The following PLCL2 variants were observed in gnomAD, a reference collection of about 807,000 sequenced individuals.
The protein encoded by PLCL2 is inactive phospholipase C-like protein 2.
A neutral mutation model predicts 79.6 loss-of-function variants in PLCL2; 4 were observed. The ratio of observed to expected loss-of-function variants is 0.05; its 90% CI spans 0.02 to 0.11. The LOEUF is 0.11. PLCL2 is among the 10% of genes least tolerant of loss of function. The probability of loss-of-function intolerance (pLI) is 1.00; values close to 1 mark genes in which losing one functional copy is unlikely to be tolerated. For missense variants in PLCL2, 895 were observed against 1,291.0 expected (o/e 0.69, Z 4.70); for synonymous variants, 484 against 457.7 (o/e 1.06, Z -0.73).
rs371092777 is a variant in PLCL2, at chr3:16,908,877, C to T, written c.327+23511C>T. Among the ~76,000 whole-genome samples the T allele has an allele frequency of 5.3e-5, 8 of 152,152 alleles. No homozygotes were observed. The East Asian group carries it at 7.7e-4, about 15-fold the overall frequency. The stretch of plus-strand genomic sequence containing the variant: ...CTATTGGAAATATATAATGTATCAA[C>T]ATACATTTATTTTCTGAAGATGTGT... On this transcript the variant is annotated intron_variant, in intron 1 of 5. Coordinates refer to ENST00000615277, the MANE Select transcript of PLCL2 (RefSeq NM_001144382.2).
intron 3 of PLCL2, among the ~76,000 whole-genome samples, chr3:17,039,445 G>C (rs1449208497): frequency 6.6e-6 from 1 of 152,210 alleles, no homozygotes; most frequent in Non-Finnish European, 1.5e-5. Context: ...GACTCAAGGA[G>C]AATTTATGCA....
At position 17,014,815 on chromosome 3, in the gene PLCL2, C is replaced by G. The variant is rs2124893356; in HGVS notation, c.2922C>G (p.Pro974=). The G allele has an allele frequency of 6.2e-7, 1 of 1,614,068 alleles. No individual in the cohort carries two copies. The highest frequency in any genetic ancestry group is 2.2e-5 in the East Asian group (1 of 44,882). ...GCTTTCTGGGGCCCGATAACACACCCCTAGTGGTCCTAAATCTCAGCGAGC... is the reference window on the plus strand; with the variant it reads ...GCTTTCTGGGGCCCGATAACACACCGCTAGTGGTCCTAAATCTCAGCGAGC... The part of the protein sequence containing the change: ...SPRFLGPDNT[P]LVVLNLSEQY... Residue 974 remains proline (P), a synonymous_variant, in exon 3 of 6, where the codon CCC becomes CCG. Transcript: ENST00000615277.
At position 16,916,462 on chromosome 3, in the gene PLCL2, C is replaced by T. The variant is rs1163843552; in HGVS notation, c.327+31096C>T. ...AATGGTCAGGTGGGAAGTAGCTTCT[C>T]CTTAAATTATTTCTGATGGAAAAAA... On this transcript the variant is annotated intron_variant, in intron 1 of 5. Coordinates refer to ENST00000615277, the MANE Select transcript of PLCL2 (RefSeq NM_001144382.2). Among the ~76,000 whole-genome samples the T allele has an allele frequency of 3.9e-5, 6 of 152,238 alleles. No individual in the cohort carries two copies. The East Asian group carries it at 1.2e-3, about 29-fold the overall frequency.
Position 16,884,996 on chromosome 3 carries a change from G to GGACGCGAGGACGCGGC in PLCL2, c.-43_-28dup, listed in dbSNP as rs1696171460. The GGACGCGAGGACGCGGC allele has an allele frequency of 4.4e-6, 1 of 226,878 alleles. No individual in the cohort carries two copies. The highest frequency in any genetic ancestry group is 8.5e-6 in the Non-Finnish European group (1 of 118,264). 14.1% of individuals were successfully genotyped at this position (226,878 alleles called of 1,614,324 possible). On this transcript the variant is annotated 5_prime_UTR_variant, in exon 1 of 6. Coordinates refer to ENST00000615277, the MANE Select transcript of PLCL2 (RefSeq NM_001144382.2). This position sits in a 1 kb window ranked among gnomAD's most constrained non-coding sequence, Gnocchi z 9.3. ...GCCCGAGGCGGCGGCGGGGACGCGGGGACGCGAGGACGCGGCTTTGTGCAG... is the reference window on the plus strand; with the variant it reads ...GCCCGAGGCGGCGGCGGGGACGCGGGGACGCGAGGACGCGGCGACGCGAGGACGCGGCTTTGTGCAG...
intron 1 of PLCL2, among the ~76,000 whole-genome samples, chr3:16,920,601 A>G (rs1053766410): frequency 6.6e-5 from 10 of 152,194 alleles, no homozygotes; most frequent in Non-Finnish European, 1.2e-4. Context: ...ACACACTAGC[A>G]TGGCTATTGA....
intron 3 of PLCL2, among the ~76,000 whole-genome samples, chr3:17,037,892 C>T (rs371256083): frequency 1.1e-4 from 17 of 151,826 alleles, no homozygotes; most frequent in Non-Finnish European, 2.4e-4. Flanking sequence ...TATGAAGGAG[C>T]AGTCTATAGA....
intron 5 of PLCL2, among the ~76,000 whole-genome samples, chr3:17,082,974 T>C (rs1376019702): frequency 6.6e-6 from 1 of 152,192 alleles, no homozygotes; most frequent in African/African-American, 2.4e-5. Context: ...ATTACAATAC[T>C]TTAATTGCAT....
intron 1 of PLCL2, among the ~76,000 whole-genome samples, chr3:16,949,983 T>A (rs1183137961): frequency 6.6e-6 from 1 of 152,230 alleles, no homozygotes; most frequent in Non-Finnish European, 1.5e-5. Flanking sequence ...CTCTGGAATA[T>A]GCATTTTGTT....
Position 17,009,066 on chromosome 3 carries a change from C to A in PLCL2, c.328-608C>A, listed in dbSNP as rs577384792. Among the ~76,000 whole-genome samples the A allele has an allele frequency of 3.3e-5, 5 of 151,986 alleles. No individual in the cohort carries two copies. The highest frequency in any genetic ancestry group is 7.4e-5 in the Non-Finnish European group (5 of 67,988). ...GTGACACAATCTCAGCTCACTGCAA[C>A]CTTTGCCTCACGGATTCAAACGATT... On this transcript the variant is annotated intron_variant, in intron 1 of 5. Coordinates refer to ENST00000615277, the MANE Select transcript of PLCL2 (RefSeq NM_001144382.2). This position sits in a 1 kb window ranked among gnomAD's most constrained non-coding sequence, Gnocchi z 4.0.
chr3:16,911,788 G>T (rs1696887261), intron 1 of PLCL2, among the ~76,000 whole-genome samples: 1 of 152,172 alleles, frequency 6.6e-6, no homozygotes, highest in African/African-American at 2.4e-5. Flanking sequence ...CTGAGCATCT[G>T]TAATTCAAAT....
rs115008245 is a variant in PLCL2, at chr3:17,012,306, G to C, written c.2814+146G>C. On this transcript the variant is annotated intron_variant, in intron 2 of 5. Coordinates refer to ENST00000615277, the MANE Select transcript of PLCL2 (RefSeq NM_001144382.2). The stretch of plus-strand genomic sequence containing the variant: ...TTCTTAGAATGTTTGCCACTAGTCT[G>C]TTTTTTATCATTTAACTTCCTAAAG... The C allele has an allele frequency of 8.8e-3, 6,086 of 688,372 alleles. 308 individuals are homozygous for C. In the African/African-American group the frequency reaches 0.1, roughly 11 times the overall value. The allele number at this position is 688,372 out of a possible 1,614,324, so 42.6% of individuals were successfully genotyped here.
At chr3:16,951,035 C>T (rs1227000132) in intron 1 of PLCL2, among the ~76,000 whole-genome samples, 1 of 152,104 alleles carries the variant, frequency 6.6e-6, no homozygotes, top group East Asian at 1.9e-4. Flanking sequence ...GCCTCTCTTC[C>T]ACCCCAAATA....
At chr3:16,983,794 T>C (rs1340473042) in intron 1 of PLCL2, among the ~76,000 whole-genome samples, 1 of 152,224 alleles carries the variant, frequency 6.6e-6, no homozygotes, top group Non-Finnish European at 1.5e-5. Context: ...CCCTTTCTAC[T>C]TTATCTAGAA....
chr3:17,078,561 G>C (rs2065130899), intron 5 of PLCL2, among the ~76,000 whole-genome samples: 1 of 152,020 alleles, frequency 6.6e-6, no homozygotes, highest in Non-Finnish European at 1.5e-5. Flanking sequence ...CTCCTGACCT[G>C]TGCCCCTCTA....
At chr3:17,055,171 C>T (rs1365619258) in intron 4 of PLCL2, among the ~76,000 whole-genome samples, 1 of 152,196 alleles carries the variant, frequency 6.6e-6, no homozygotes, top group East Asian at 1.9e-4. Flanking sequence ...AGATGAGACA[C>T]AGGAAACCTG....
intron 4 of PLCL2, among the ~76,000 whole-genome samples, chr3:17,046,572 C>G (rs966278763): frequency 6.6e-6 from 1 of 152,158 alleles, no homozygotes; most frequent in East Asian, 1.9e-4. Context: ...CAATGACATC[C>G]TGTTAAAGAT....
intron 1 of PLCL2, among the ~76,000 whole-genome samples, chr3:16,901,956 C>T (rs1696629321): frequency 6.6e-6 from 1 of 152,220 alleles, no homozygotes; most frequent in African/African-American, 2.4e-5. Flanking sequence ...TTCCATGCCT[C>T]ATTCTGGACA....
intron 4 of PLCL2, among the ~76,000 whole-genome samples, chr3:17,060,524 C>T (rs2064939993): frequency 6.6e-6 from 1 of 152,208 alleles, no homozygotes; most frequent in Non-Finnish European, 1.5e-5. Flanking sequence ...AGGATGTAAA[C>T]ACCCACAGGT....
At chr3:16,985,506 C>T (rs1400276311) in intron 1 of PLCL2, among the ~76,000 whole-genome samples, 2 of 152,062 alleles carry the variant, frequency 1.3e-5, no homozygotes, top group African/African-American at 4.8e-5. Flanking sequence ...AAATTTTTAG[C>T]TTATTATTCT....
Sources: allele counts gnomAD v4.1 joint callset (sites outside exome capture counted in the v4.1 genomes callset), GRCh38; gene constraint gnomAD v4.1.1; non-coding constraint Gnocchi (gnomAD v3.1); transcripts MANE v1.5; gene names NCBI Gene and HGNC (gene_info 2026-07-23, HGNC 2026-07-21).